CSTF2T: variants seen among roughly 807,000 people sequenced by gnomAD.
The protein encoded by CSTF2T is CF-1 64 kDa subunit tau.
CSTF2T carries 18 observed loss-of-function variants against 39.9 expected under a neutral mutation model. The ratio of observed to expected loss-of-function variants is 0.45; its 90% confidence interval spans 0.31 to 0.67. CSTF2T has a LOEUF of 0.67. CSTF2T is among the 30% of genes least tolerant of loss of function. The pLI is 0.06. For missense variants in CSTF2T, 681 were observed against 789.0 expected (o/e 0.86, Z 1.64); for synonymous variants, 291 against 276.4 (o/e 1.05, Z -0.52).
rs1228104345 is a variant in CSTF2T, at chr10:51,699,352, G to A, written c.198C>T (p.Asp66=). 6.2e-7 allele frequency: 1 copy of A among 1,613,926 alleles called. No homozygotes were observed. The highest frequency in any genetic ancestry group is 1.3e-5 in the African/African-American group (1 of 74,870). ...GCATGGCACTAAGCGCGGTCTCCTG[G>A]TCTTGGTATTCGCAGAAGCCATAGC... ...PKGYGFCEYQ[D]QETALSAMRN... The change falls in exon 1 of 1, where the codon GAC becomes GAT. Residue 66 remains aspartate (D), a synonymous_variant. Transcript: ENST00000331173.
rs1841284971 is a variant in CSTF2T at position 51,696,108 on chromosome 10, T to G, written c.*1591A>C. ...ATTAGGACTAAATGGCTGTATTCCATGCAAAAAGTAAAATGAGCAGTAAGT... is the reference window on the plus strand; with the variant it reads ...ATTAGGACTAAATGGCTGTATTCCAGGCAAAAAGTAAAATGAGCAGTAAGT... On this transcript the variant is annotated 3_prime_UTR_variant, in exon 1 of 1. Coordinates refer to ENST00000331173, the MANE Select transcript of CSTF2T (RefSeq NM_015235.3). 1 of 152,298 alleles carries G rather than the reference T, an allele frequency of 6.6e-6. No homozygotes were observed. Among genetic ancestry groups the G allele is most frequent in the African/African-American group, 2.4e-5 (1 of 41,580 alleles). The allele number at this position is 152,298 out of a possible 1,614,324, so 9.4% of individuals were successfully genotyped here. A position where few individuals can be genotyped will look rare whatever the true frequency, so the allele number is the denominator to read the frequency against.
At position 51,698,240 on chromosome 10, in the gene CSTF2T, C is replaced by G. The variant is rs1289986521; in HGVS notation, c.1310G>C (p.Gly437Ala). 1 of 1,614,186 alleles carries G rather than the reference C, an allele frequency of 6.2e-7. No homozygotes were observed. Among genetic ancestry groups the G allele is most frequent in the African/African-American group, 1.3e-5 (1 of 75,046 alleles). ...GGTTTCCATCGCACAGGTCTCCATT[C>G]CTCTCCTCTCCATTACACGTGTCTC... Reference protein sequence around the residue: ...VLETRVMERRGMETCAMETRG... With the variant: ...VLETRVMERRAMETCAMETRG... The change falls in exon 1 of 1, where the codon GGA (glycine) becomes GCA (alanine). Residue 437 changes from glycine (G) to alanine (A), a missense_variant. By Grantham distance (60) the Gly-to-Ala change is moderately conservative. Around this residue, in one of 4 missense-constraint regions of CSTF2T, gnomAD observed 282 missense variants for 289.2 expected, o/e 0.98. Transcript: ENST00000331173.
In CSTF2T at chr10:51,697,954, G is replaced by A. The variant is rs772270141; in HGVS notation, c.1596C>T (p.Gly532=). The A allele has an allele frequency of 1.9e-6, 3 of 1,598,774 alleles. No homozygotes were observed. In the Admixed American group the frequency reaches 5.3e-5, roughly 28 times the overall value. ...GIQGGGMQGA[G]IQGVSIQGGG... ...CTCCTTGTATACTGACTCCTTGTATGCCTGCCCCCTGCATCCCTCCTCCTT... is the reference window on the plus strand; with the variant it reads ...CTCCTTGTATACTGACTCCTTGTATACCTGCCCCCTGCATCCCTCCTCCTT... Residue 532 remains glycine (G), a synonymous_variant, in exon 1 of 1, where the codon GGC becomes GGT. Transcript: ENST00000331173.
In CSTF2T at chr10:51,699,340, C is replaced by G. The variant is rs781532877; in HGVS notation, c.210G>C (p.Ala70=). 1 of 1,614,162 alleles carries G rather than the reference C, an allele frequency of 6.2e-7. No homozygotes were observed. The highest frequency in any genetic ancestry group is 1.1e-5 in the South Asian group (1 of 91,076). The change falls in exon 1 of 1, where the codon GCG becomes GCC. Residue 70 remains alanine, a synonymous_variant. Coordinates refer to ENST00000331173, the MANE Select transcript of CSTF2T (RefSeq NM_015235.3). Reference sequence around the variant, plus strand: ...CATTGAGGTTCCGCATGGCACTAAGCGCGGTCTCCTGGTCTTGGTATTCGC... The same window carrying G: ...CATTGAGGTTCCGCATGGCACTAAGGGCGGTCTCCTGGTCTTGGTATTCGC... ...GFCEYQDQET[A]LSAMRNLNGR...
chr10:51,698,262 T>C lies in CSTF2T; in HGVS notation c.1288A>G (p.Thr430Ala), dbSNP rs1326066625. The change falls in exon 1 of 1, where the codon ACA (threonine) becomes GCA (alanine). Residue 430 changes from threonine to alanine, a missense_variant. By Grantham distance (58) the Thr-to-Ala change is moderately conservative (BLOSUM62 0). Transcript: ENST00000331173. ...TRAMETEVLE[T>A]RVMERRGMET... ...ATTCCTCTCCTCTCCATTACACGTGTCTCTAAGACCTCAGTTTCCATGGCA... is the reference window on the plus strand; with the variant it reads ...ATTCCTCTCCTCTCCATTACACGTGCCTCTAAGACCTCAGTTTCCATGGCA... 3 of 1,613,954 alleles carry C rather than the reference T, an allele frequency of 1.9e-6. No individual in the cohort carries two copies. The highest frequency in any genetic ancestry group is 2.5e-6 in the Non-Finnish European group (3 of 1,179,962).
Position 51,697,534 on chromosome 10 carries a change from A to G in CSTF2T, c.*165T>C. 1.3e-6 allele frequency: 1 copy of G among 748,936 alleles called. No individual in the cohort carries two copies. Among genetic ancestry groups the G allele is most frequent in the Non-Finnish European group, 2.1e-6 (1 of 474,030 alleles). 46.4% of individuals were successfully genotyped at this position (748,936 alleles called of 1,614,324 possible). ...TCCTCCCCCCACCCTCAATTAAAAA[A>G]AAAAGGAAAACAGAAAGAAAGAAAA... On this transcript the variant is annotated 3_prime_UTR_variant, in exon 1 of 1. Transcript: ENST00000331173.
Position 51,697,525 on chromosome 10 carries a change from A to T in CSTF2T, c.*174T>A. 1.5e-6 allele frequency: 1 copy of T among 660,954 alleles called. No individual in the cohort carries two copies. The highest frequency in any genetic ancestry group is 2.5e-6 in the Non-Finnish European group (1 of 404,426). 40.9% of individuals were successfully genotyped at this position (660,954 alleles called of 1,614,324 possible). ...CGCACTCCCTCCTCCCCCCACCCTC[A>T]ATTAAAAAAAAAAGGAAAACAGAAA... On this transcript the variant is annotated 3_prime_UTR_variant, in exon 1 of 1. Transcript: ENST00000331173.
Position 51,697,472 on chromosome 10 carries a change from T to C in CSTF2T, c.*227A>G, listed in dbSNP as rs748874228. On this transcript the variant is annotated 3_prime_UTR_variant, in exon 1 of 1. Coordinates refer to ENST00000331173, the MANE Select transcript of CSTF2T (RefSeq NM_015235.3). ...GGCATAATATAATCATGTTCAGAGT[T>C]ATTTTAAAGTAACTTAAAGTGAACA... 5.4e-6 allele frequency: 3 copies of C among 550,978 alleles called. No homozygotes were observed. Among genetic ancestry groups the C allele is most frequent in the Non-Finnish European group, 9.6e-6 (3 of 313,160 alleles). The allele number at this position is 550,978 out of a possible 1,614,324, so 34.1% of individuals were successfully genotyped here.
chr10:51,698,359 G>A lies in CSTF2T; in HGVS notation c.1191C>T (p.Gly397=). The A allele has an allele frequency of 1.9e-6, 3 of 1,614,086 alleles. No individual in the cohort carries two copies. The highest frequency in any genetic ancestry group is 2.5e-6 in the Non-Finnish European group (3 of 1,180,026). Residue 397 remains glycine, a synonymous_variant, in exon 1 of 1, where the codon GGC becomes GGT. Transcript: ENST00000331173. ...GTAGACCCCTTTGATCTATCATGGG[G>A]CCTCTGGGCTCTCCAATTAGCAGTC... ...DPRLLIGEPR[G]PMIDQRGLPM... is the part of the protein sequence containing the mutation.
At position 51,698,415 on chromosome 10, in the gene CSTF2T, CAT is replaced by C; in HGVS notation, c.1133_1134del (p.His378ArgfsTer32). 1 of 1,614,058 alleles carries C rather than the reference CAT, an allele frequency of 6.2e-7. No individual in the cohort carries two copies. The highest frequency in any genetic ancestry group is 8.5e-7 in the Non-Finnish European group (1 of 1,180,042). The stretch of plus-strand genomic sequence containing the variant: ...TCTCCTAATGGCCCTCCCCTCATCT[CAT>C]GTGAGGAAGGGCCACGAGTGTCATG... ...SGHDTRGPSS[H>X]EMRGGPLGDP... On this transcript the variant is annotated frameshift_variant, in exon 1 of 1. Coordinates refer to ENST00000331173, the MANE Select transcript of CSTF2T (RefSeq NM_015235.3). LOFTEE classifies it high-confidence loss of function.
At position 51,697,971 on chromosome 10, in the gene CSTF2T, C is replaced by G. The variant is rs760916445; in HGVS notation, c.1579G>C (p.Gly527Arg). 18 of 1,604,232 alleles carry G rather than the reference C, an allele frequency of 1.1e-5. No individual in the cohort carries two copies. The highest frequency in any genetic ancestry group is 1.5e-5 in the Non-Finnish European group (18 of 1,175,320). The change falls in exon 1 of 1, where the codon GGG becomes CGG. Residue 527 changes from glycine (G) to arginine (R), a missense_variant. Gly to Arg is a moderately radical substitution (Grantham distance 125). This residue lies in a region of CSTF2T where 282 missense variants were observed against 289.2 expected (regional missense o/e 0.98). Transcript: ENST00000331173. ...GMQGAGIQGG[G>R]MQGAGIQGVS... ...CCTTGTATGCCTGCCCCCTGCATCC[C>G]TCCTCCTTGTATGCCTGCTCCCTGC...
chr10:51,698,201 G>A lies in CSTF2T; in HGVS notation c.1349C>T (p.Ala450Val), dbSNP rs1261263514. The change falls in exon 1 of 1, where the codon GCA becomes GTA. Residue 450 changes from alanine to valine, a missense_variant. Physicochemically the swap from Ala to Val is moderately conservative, Grantham distance 64 (BLOSUM62 0). Around this residue, in one of 4 missense-constraint regions of CSTF2T, gnomAD observed 282 missense variants for 289.2 expected, o/e 0.98. Transcript: ENST00000331173. ...CAATCCTCTTGCATCCATGCCCCTTGCTTCCATCCCTCTGGTTTCCATCGC... is the reference window on the plus strand; with the variant it reads ...CAATCCTCTTGCATCCATGCCCCTTACTTCCATCCCTCTGGTTTCCATCGC... ...TCAMETRGME[A>V]RGMDARGLEM... 6 of 1,613,936 alleles carry A rather than the reference G, an allele frequency of 3.7e-6. No individual in the cohort carries two copies. The highest frequency in any genetic ancestry group is 5.1e-6 in the Non-Finnish European group (6 of 1,180,010).
Position 51,698,301 on chromosome 10 carries a change from C to T in CSTF2T, c.1249G>A (p.Ala417Thr). The T allele has an allele frequency of 1.9e-6, 3 of 1,614,184 alleles. No individual in the cohort carries two copies. The highest frequency in any genetic ancestry group is 2.5e-6 in the Non-Finnish European group (3 of 1,180,034). The stretch of plus-strand genomic sequence containing the variant: ...GTTTCCATGGCACGAGTCTCCATCG[C>T]TCGAGAATCTCTACCACCTCTACCA... ...MDGRGGRDSR[A>T]METRAMETEV... Residue 417 changes from alanine (A) to threonine (T), a missense_variant, in exon 1 of 1, where the codon GCG (alanine) becomes ACG (threonine). By Grantham distance (58) the Ala-to-Thr change is moderately conservative (BLOSUM62 0). Around this residue, in one of 4 missense-constraint regions of CSTF2T, gnomAD observed 282 missense variants for 289.2 expected, o/e 0.98. Transcript: ENST00000331173.
In CSTF2T at chr10:51,699,536, G is replaced by A. The variant is rs751998761; in HGVS notation, c.14C>T (p.Ala5Val). ...TCGATCCATTGCCGGGTCTCTCACC[G>A]CCAAACTCGACATGATTCCGGTTGT... Reference protein sequence around the residue: MSSLAVRDPAMDRSL... With the variant: MSSLVVRDPAMDRSL... The change falls in exon 1 of 1, where the codon GCG (alanine) becomes GTG (valine). Residue 5 changes from alanine (A) to valine (V), a missense_variant. Coordinates refer to ENST00000331173, the MANE Select transcript of CSTF2T (RefSeq NM_015235.3). 2.5e-6 allele frequency: 4 copies of A among 1,609,742 alleles called. No individual in the cohort carries two copies. The highest frequency in any genetic ancestry group is 4.5e-5 in the East Asian group (2 of 44,850).
chr10:51,699,527 T>C lies in CSTF2T; in HGVS notation c.23A>G (p.Asp8Gly). The change falls in exon 1 of 1, where the codon GAC becomes GGC. Residue 8 changes from aspartate to glycine, a missense_variant. Around this residue, in one of 4 missense-constraint regions of CSTF2T, gnomAD observed 65 missense variants for 134.2 expected, o/e 0.48. Coordinates refer to ENST00000331173, the MANE Select transcript of CSTF2T (RefSeq NM_015235.3). MSSLAVR[D>G]PAMDRSLRSV... ...ACGCAGTGATCGATCCATTGCCGGG[T>C]CTCTCACCGCCAAACTCGACATGAT... The C allele has an allele frequency of 6.2e-7, 1 of 1,611,192 alleles. No homozygotes were observed. Among genetic ancestry groups the C allele is most frequent in the South Asian group, 1.1e-5 (1 of 91,002 alleles).
In CSTF2T at chr10:51,698,790, T is replaced by G. The variant is rs1031964716; in HGVS notation, c.760A>C (p.Met254Leu). ...RRPVKDIPPL[M>L]QTPIQGGIPA... ...ATTCCACCCTGGATAGGAGTCTGCA[T>G]CAGAGGAGGAATGTCCTTCACAGGT... Residue 254 changes from methionine (M) to leucine (L), a missense_variant, in exon 1 of 1, where the codon ATG (methionine) becomes CTG (leucine). By Grantham distance (15) the Met-to-Leu change is conservative (BLOSUM62 2). Around this residue, in one of 4 missense-constraint regions of CSTF2T, gnomAD observed 329 missense variants for 344.1 expected, o/e 0.96. Transcript: ENST00000331173. The G allele has an allele frequency of 6.2e-7, 1 of 1,614,028 alleles. No individual in the cohort carries two copies. The highest frequency in any genetic ancestry group is 1.3e-5 in the African/African-American group (1 of 74,920).
In CSTF2T at chr10:51,697,976, C is replaced by T; in HGVS notation, c.1574G>A (p.Gly525Glu). 2 of 1,606,978 alleles carry T rather than the reference C, an allele frequency of 1.2e-6. No homozygotes were observed. The highest frequency in any genetic ancestry group is 1.7e-6 in the Non-Finnish European group (2 of 1,176,532). ...TATGCCTGCCCCCTGCATCCCTCCT[C>T]CTTGTATGCCTGCTCCCTGCATGCC... is the stretch of plus-strand genomic sequence containing the variant. ...GTGMQGAGIQ[G>E]GGMQGAGIQG... is the part of the protein sequence containing the mutation. The change falls in exon 1 of 1, where the codon GGA becomes GAA. Residue 525 changes from glycine (G) to glutamate (E), a missense_variant. Around this residue, in one of 4 missense-constraint regions of CSTF2T, gnomAD observed 282 missense variants for 289.2 expected, o/e 0.98. Transcript: ENST00000331173.
Position 51,699,020 on chromosome 10 carries a change from A to G in CSTF2T, c.530T>C (p.Val177Ala). Residue 177 changes from valine to alanine, a missense_variant, in exon 1 of 1, where the codon GTA becomes GCA. By Grantham distance (64) the Val-to-Ala change is moderately conservative (BLOSUM62 0). Transcript: ENST00000331173. ...QLAYALLQAQ[V>A]VMRIMDPEIA... ...CTCTGGATCCATGATTCTCATCACT[A>G]CTTGTGCCTGCAACAGTGCATAAGC... 4 of 1,614,182 alleles carry G rather than the reference A, an allele frequency of 2.5e-6. No individual in the cohort carries two copies. The highest frequency in any genetic ancestry group is 3.4e-6 in the Non-Finnish European group (4 of 1,180,038).
Position 51,698,802 on chromosome 10 carries a change from T to G in CSTF2T, c.748A>C (p.Ile250Leu), listed in dbSNP as rs1841380100. The G allele has an allele frequency of 6.2e-7, 1 of 1,614,052 alleles. No homozygotes were observed. Among genetic ancestry groups the G allele is most frequent in the African/African-American group, 1.3e-5 (1 of 74,930 alleles). The change falls in exon 1 of 1, where the codon ATT becomes CTT. Residue 250 changes from isoleucine (I) to leucine (L), a missense_variant. By Grantham distance (5) the Ile-to-Leu change is conservative (BLOSUM62 2). Coordinates refer to ENST00000331173, the MANE Select transcript of CSTF2T (RefSeq NM_015235.3). Reference protein sequence around the residue: ...QHLARRPVKDIPPLMQTPIQG... With the variant: ...QHLARRPVKDLPPLMQTPIQG... Reference sequence around the variant, plus strand: ...ATAGGAGTCTGCATCAGAGGAGGAATGTCCTTCACAGGTCTTCTAGCCAAA... The same window carrying G: ...ATAGGAGTCTGCATCAGAGGAGGAAGGTCCTTCACAGGTCTTCTAGCCAAA...
Sources: allele counts gnomAD v4.1 joint callset, GRCh38; gene constraint gnomAD v4.1.1; regional missense constraint gnomAD v4.1.1; transcripts MANE v1.5; gene names NCBI Gene and HGNC (gene_info 2026-07-23, HGNC 2026-07-21).